GPC6: variants seen among roughly 807,000 people sequenced by gnomAD.
GPC6 encodes glypican-6.
Under a neutral mutation model 55.2 loss-of-function variants are expected in GPC6, and 14 were observed. The observed-to-expected ratio is 0.25, with a 90% confidence interval of 0.17 to 0.40. The LOEUF (loss-of-function observed/expected upper bound fraction) is 0.40, where lower values mean the gene tolerates loss of function less well. Ranked by LOEUF, GPC6 falls within the 10% of genes least tolerant of loss-of-function variation. GPC6 has a pLI of 1.00. For synonymous variants in GPC6, 278 were observed against 259.6 expected, an observed-to-expected ratio of 1.07 and a Z score of -0.68; for missense variants, 641 against 708.5, an observed-to-expected ratio of 0.90 and a Z score of 1.08.
In GPC6 at chr13:93,345,589, C is replaced by T. The variant is rs375404113; in HGVS notation, c.160+117973C>T. ...AGTAATATATTTTGTAATGTATTTGCATAACTTTTGAAAGAAAAGGAACAG... is the reference window on the plus strand; with the variant it reads ...AGTAATATATTTTGTAATGTATTTGTATAACTTTTGAAAGAAAAGGAACAG... On this transcript the variant is annotated intron_variant, in intron 1 of 8. Transcript: ENST00000377047. Among the ~76,000 whole-genome samples, 34 of 152,132 alleles carry T rather than the reference C, an allele frequency of 2.2e-4. No homozygotes were observed. In the South Asian group the frequency reaches 5.6e-3, roughly 25 times the overall value.
At chr13:93,414,780 T>C (rs1002391429) in intron 1 of GPC6, among the ~76,000 whole-genome samples, 2 of 152,104 alleles carry the variant, frequency 1.3e-5, no homozygotes, top group African/African-American at 4.8e-5. Flanking sequence ...AGATATTTAT[T>C]TCCTAGGCTT....
intron 3 of GPC6, among the ~76,000 whole-genome samples, chr13:93,901,894 C>A (rs1594572727): frequency 1.6e-5 from 2 of 127,080 alleles, no homozygotes. Context: ...GAGTGAGATT[C>A]CATTAAAAAA....
chr13:94,188,609 G>A (rs1184296334), intron 4 of GPC6, among the ~76,000 whole-genome samples: 1 of 152,164 alleles, frequency 6.6e-6, no homozygotes, highest in Non-Finnish European at 1.5e-5. Context: ...TTTGGAAGGA[G>A]ACGGGAGCCA....
At chr13:94,369,616 T>G (rs1879443170) in intron 6 of GPC6, among the ~76,000 whole-genome samples, 1 of 152,230 alleles carries the variant, frequency 6.6e-6, no homozygotes, top group South Asian at 2.1e-4. Flanking sequence ...TGCTTTTTCC[T>G]TAAGCCAAGG....
At chr13:93,935,174 G>A (rs9556341) in intron 3 of GPC6, among the ~76,000 whole-genome samples, 49,713 of 151,842 alleles carry the variant, frequency 0.33, 8,378 homozygotes, top group Middle Eastern at 0.43. Flanking sequence ...GGTATATTAC[G>A]TAATGATAAG....
chr13:93,392,788 A>G lies in GPC6; in HGVS notation c.161-152475A>G, dbSNP rs77268555. 6.6e-3 allele frequency among the ~76,000 whole-genome samples: 1,004 copies of G among 152,244 alleles called. 15 individuals carry two copies. The highest frequency in any genetic ancestry group is 0.023 in the African/African-American group (940 of 41,548). Reference sequence around the variant, plus strand: ...TGAAATATTTTTTACATGAAGTACTATGGTAGTTATTTTACACCCACATCC... The same window carrying G: ...TGAAATATTTTTTACATGAAGTACTGTGGTAGTTATTTTACACCCACATCC... On this transcript the variant is annotated intron_variant, in intron 1 of 8. Coordinates refer to ENST00000377047, the MANE Select transcript of GPC6 (RefSeq NM_005708.5).
At chr13:93,351,419 A>G (rs905533133) in intron 1 of GPC6, among the ~76,000 whole-genome samples, 1 of 152,112 alleles carries the variant, frequency 6.6e-6, no homozygotes, top group Admixed American at 6.5e-5. Flanking sequence ...AGTTGTCAAA[A>G]AAGAGTCTGG....
chr13:93,619,976 C>A (rs1878881339), intron 2 of GPC6, among the ~76,000 whole-genome samples: 1 of 151,992 alleles, frequency 6.6e-6, no homozygotes, highest in African/African-American at 2.4e-5. Context: ...GTCTGTGATA[C>A]AGATCAGATG....
At chr13:93,540,958 C>T (rs988101123) in intron 1 of GPC6, among the ~76,000 whole-genome samples, 6 of 152,040 alleles carry the variant, frequency 3.9e-5, no homozygotes, top group African/African-American at 9.7e-5. Context: ...TTCTCTTCTT[C>T]GCTATTTCGC....
At chr13:93,893,730 C>T (rs543209512) in intron 3 of GPC6, among the ~76,000 whole-genome samples, 1 of 152,294 alleles carries the variant, frequency 6.6e-6, no homozygotes, top group Non-Finnish European at 1.5e-5. Flanking sequence ...CTGAGCTTTC[C>T]TCTCTCTTCC....
chr13:93,909,411 G>A (rs1484349931), intron 3 of GPC6, among the ~76,000 whole-genome samples: 2 of 152,000 alleles, frequency 1.3e-5, no homozygotes, highest in African/African-American at 4.8e-5. Context: ...CAAAATGAAA[G>A]GCAGGATATA....
At chr13:93,542,606 A>G (rs1257950633) in intron 1 of GPC6, among the ~76,000 whole-genome samples, 1 of 152,218 alleles carries the variant, frequency 6.6e-6, no homozygotes, top group Non-Finnish European at 1.5e-5. Context: ...TCTATAAATT[A>G]TCTTGGGCAG....
chr13:93,715,457 A>G (rs1883219275), intron 2 of GPC6, among the ~76,000 whole-genome samples: 2 of 151,468 alleles, frequency 1.3e-5, no homozygotes, highest in Non-Finnish European at 3.0e-5. Flanking sequence ...GAGTACTACT[A>G]AAGAGGGGAG....
At position 93,388,178 on chromosome 13, in the gene GPC6, G is replaced by C. The variant is rs143184222; in HGVS notation, c.161-157085G>C. Among the ~76,000 whole-genome samples the C allele has an allele frequency of 5.9e-5, 9 of 152,204 alleles. No homozygotes were observed. In the East Asian group the frequency reaches 1.6e-3, roughly 26 times the overall value. Reference sequence around the variant, plus strand: ...CAAGATAACTGCTATTTAAACCTAGGGCTTCTTGGCTCCAGGGTGCAAGCT... The same window carrying C: ...CAAGATAACTGCTATTTAAACCTAGCGCTTCTTGGCTCCAGGGTGCAAGCT... On this transcript the variant is annotated intron_variant, in intron 1 of 8. Transcript: ENST00000377047.
intron 1 of GPC6, among the ~76,000 whole-genome samples, chr13:93,271,997 C>G (rs963357017): frequency 3.9e-5 from 6 of 151,964 alleles, no homozygotes; most frequent in African/African-American, 1.4e-4. Flanking sequence ...TTTATAGATT[C>G]TGGAGTCAAG....
intron 3 of GPC6, among the ~76,000 whole-genome samples, chr13:93,882,427 G>A (rs898336522): frequency 2.0e-5 from 3 of 152,046 alleles, no homozygotes; most frequent in African/African-American, 7.2e-5. Flanking sequence ...TTAAAGGAGT[G>A]AGCCACCGTG....
chr13:93,497,035 G>T (rs892955130), intron 1 of GPC6, among the ~76,000 whole-genome samples: 10 of 152,200 alleles, frequency 6.6e-5, no homozygotes, highest in African/African-American at 2.4e-4. Context: ...ATCCGAGGAA[G>T]GTTGCAATGG....
At chr13:93,411,551 T>C (rs140492325) in intron 1 of GPC6, among the ~76,000 whole-genome samples, 3 of 152,328 alleles carry the variant, frequency 2.0e-5, no homozygotes, top group East Asian at 1.9e-4. Context: ...GTTATTACTA[T>C]TATTCTCTAA....
chr13:93,790,397 T>C (rs2138921658), intron 2 of GPC6, among the ~76,000 whole-genome samples: 1 of 152,310 alleles, frequency 6.6e-6, no homozygotes, highest in East Asian at 1.9e-4. Context: ...CATGTATATT[T>C]AAATAGAAAG....
Sources: gnomAD v4.1 joint callset for allele counts (sites outside exome capture counted in the v4.1 genomes callset) on GRCh38, gnomAD v4.1.1 for gene constraint, MANE v1.5 for transcripts, NCBI Gene and HGNC (gene_info 2026-07-23, HGNC 2026-07-21) for gene names.